The following ADAM8 variants were observed in gnomAD, a reference collection of about 807,000 sequenced individuals.
ADAM8 encodes the protein disintegrin and metalloproteinase domain-containing protein 8.
A neutral mutation model predicts 102.4 loss-of-function variants in ADAM8; 104 were observed. The ratio of observed to expected loss-of-function variants is 1.02; its 90% confidence interval spans 0.87 to 1.20. The LOEUF (loss-of-function observed/expected upper bound fraction) is 1.20. ADAM8 is among the 50% of genes most tolerant of loss of function. ADAM8 has a pLI of 0.00. For missense variants in ADAM8, 1,132 were observed against 1,159.0 expected (o/e 0.98, Z 0.34); for synonymous variants, 517 against 485.2 (o/e 1.07, Z -0.86).
chr10:133,263,446 G>C (rs1258277663), intron 22 of ADAM8, among the ~76,000 whole-genome samples: 1 of 152,178 alleles, frequency 6.6e-6, no homozygotes, highest in Non-Finnish European at 1.5e-5. Flanking sequence ...CAGTTGCTGG[G>C]GGAAGGTCAG....
intron 22 of ADAM8, 103 bp downstream of exon 22, chr10:133,263,585 G>GA (rs1846228747): frequency 1.1e-4 from 9 of 82,502 alleles, no homozygotes; most frequent in South Asian, 2.0e-4. Flanking sequence ...CAGATAATCA[G>GA]AAAAAAACCC....
chr10:133,270,083 G>A (rs1436212683), intron 16 of ADAM8, 109 bp from the exon 17 acceptor site: 2 of 1,327,714 alleles, frequency 1.5e-6, no homozygotes, highest in African/African-American at 1.4e-5. Flanking sequence ...CACGTCCAAG[G>A]TGGCTGTGCT....
chr10:133,275,612 A>G lies in ADAM8; in HGVS notation c.47-25T>C, dbSNP rs773427736. 1.9e-4 allele frequency: 257 copies of G among 1,339,856 alleles called. 1 individual carries two copies. The highest frequency in any genetic ancestry group is 1.0e-4 in the Admixed American group (3 of 30,068). The allele number at this position is 1,339,856 out of a possible 1,614,324, so 83.0% of individuals were successfully genotyped here. A position where few individuals can be genotyped will look rare whatever the true frequency, so the allele number is the denominator to read the frequency against. On this transcript the variant is annotated intron_variant, in intron 1 of 22. Transcript: ENST00000445355. Reference sequence around the variant, plus strand: ...GCTGCAGGAGGGAGGGTCAGCAGGCATGAGGGGCCGGGGGGCAGGTTTCCT... The same window carrying G: ...GCTGCAGGAGGGAGGGTCAGCAGGCGTGAGGGGCCGGGGGGCAGGTTTCCT...
chr10:133,275,475 T>C lies in ADAM8; in HGVS notation c.150+9A>G. ...GCCAGGGACCCTCCCCAGGCCAGCT[T>C]AGACTCACCAAGTGGGAGGGCAGAG... On this transcript the variant is annotated intron_variant, in intron 2 of 22. Transcript: ENST00000445355. The C allele has an allele frequency of 1.3e-6, 2 of 1,532,090 alleles. No homozygotes were observed. The highest frequency in any genetic ancestry group is 1.8e-6 in the Non-Finnish European group (2 of 1,139,126). The allele number at this position is 1,532,090 out of a possible 1,614,324, so 94.9% of individuals were successfully genotyped here. A position where few individuals can be genotyped will look rare whatever the true frequency, so the allele number is the denominator to read the frequency against.
intron 18 of ADAM8, 31 bp downstream of exon 18, chr10:133,269,413 CA>C: frequency 6.7e-7 from 1 of 1,489,342 alleles, no homozygotes; most frequent in Non-Finnish European, 8.9e-7. Context: ...GCTTGGACCC[CA>C]GCCCCACCTG....
chr10:133,263,670 T>C lies in ADAM8; in HGVS notation c.2397+18A>G. 1.5e-6 allele frequency: 1 copy of C among 673,434 alleles called. No individual in the cohort carries two copies. The highest frequency in any genetic ancestry group is 1.9e-6 in the Non-Finnish European group (1 of 540,448). 41.7% of individuals were successfully genotyped at this position (673,434 alleles called of 1,614,324 possible). A position where few individuals can be genotyped will look rare whatever the true frequency, so the allele number is the denominator to read the frequency against. On this transcript the variant is annotated intron_variant, in intron 22 of 22. Coordinates refer to ENST00000445355, the MANE Select transcript of ADAM8 (RefSeq NM_001109.5). ...CCATTGCACAGTGGACTCTGCCTGG[T>C]GTGTGCTGGGGCCTCACCTCAGCTG...
At chr10:133,263,607 G>T in intron 22 of ADAM8, 81 bp downstream of exon 22, 12 of 1,408,770 alleles carry the variant, frequency 8.5e-6, no homozygotes, top group Non-Finnish European at 1.0e-5. Context: ...ACCCTCCAGG[G>T]CAGTGCCACC....
rs1826712654 is a variant in ADAM8 at position 133,272,509 on chromosome 10, C to A, written c.782G>T (p.Ser261Ile). The A allele has an allele frequency of 1.2e-6, 2 of 1,612,146 alleles. No individual in the cohort carries two copies. Among genetic ancestry groups the A allele is most frequent in the Middle Eastern group, 1.6e-4 (1 of 6,070 alleles). ...IWNSQDRFHV[S>I]PDPSVTLENL... ...CTCCAGTGTGACACTGGGGTCGGGG[C>A]TGACGTGGAACCTGTCCTGACTATT... Residue 261 changes from serine to isoleucine, a missense_variant, in exon 9 of 23, where the codon AGC becomes ATC. Coordinates refer to ENST00000445355, the MANE Select transcript of ADAM8 (RefSeq NM_001109.5).
intron 2 of ADAM8, chr10:133,274,654 C>T (rs992776507): frequency 3.0e-5 from 9 of 298,058 alleles, no homozygotes; most frequent in African/African-American, 2.1e-4. Flanking sequence ...CGACAATGCC[C>T]CTTCCCCGAG....
At chr10:133,268,549 G>C (rs1846406267) in intron 19 of ADAM8, among the ~76,000 whole-genome samples, 199 bp downstream of exon 19, 1 of 152,134 alleles carries the variant, frequency 6.6e-6, no homozygotes, top group Non-Finnish European at 1.5e-5. Flanking sequence ...GGAAGGTGGA[G>C]TCCAGAGTGG....
chr10:133,267,318 CAGA>C, intron 21 of ADAM8, 31 bp downstream of exon 21: 1 of 1,588,514 alleles, frequency 6.3e-7, no homozygotes, highest in Non-Finnish European at 8.6e-7. Flanking sequence ...TGGACACCCT[CAGA>C]AGGCTTGGCC....
At position 133,268,757 on chromosome 10, in the gene ADAM8, A is replaced by G; in HGVS notation, c.2054T>C (p.Ile685Thr). 2 of 1,610,166 alleles carry G rather than the reference A, an allele frequency of 1.2e-6. No individual in the cohort carries two copies. Among genetic ancestry groups the G allele is most frequent in the South Asian group, 1.1e-5 (1 of 90,940 alleles). Residue 685 changes from isoleucine to threonine, a missense_variant, in exon 19 of 23, where the codon ATC (isoleucine) becomes ACC (threonine). Physicochemically the swap from Ile to Thr is moderately conservative, Grantham distance 89 (BLOSUM62 -1). Transcript: ENST00000445355. ...CCCCCACCACCCTCACCTGCTCAGGATGCGGCTCCGGGCTTTGCGGTAGAC... is the reference window on the plus strand; with the variant it reads ...CCCCCACCACCCTCACCTGCTCAGGGTGCGGCTCCGGGCTTTGCGGTAGAC... ...IIVYRKARSR[I>T]LSRNVAPKTT...
At chr10:133,276,709 G>T in intron 1 of ADAM8, 63 bp downstream of exon 1, 2 of 1,514,184 alleles carry the variant, frequency 1.3e-6, no homozygotes, top group South Asian at 1.2e-5. Flanking sequence ...TCCGCGTCGC[G>T]TCCTGCGGGG....
In ADAM8 at chr10:133,267,325, C is replaced by T. The variant is rs777358233; in HGVS notation, c.2319+27G>A. The stretch of plus-strand genomic sequence containing the variant: ...GGAAGGCCTGGACACCCTCAGAAGG[C>T]TTGGCCGCCCAATCACCACTGCTCA... On this transcript the variant is annotated intron_variant, in intron 21 of 22. Transcript: ENST00000445355. 4.4e-6 allele frequency: 7 copies of T among 1,596,206 alleles called. No individual in the cohort carries two copies. The Admixed American group carries it at 1.2e-4, about 28-fold the overall frequency.
At chr10:133,274,276 G>C in intron 2 of ADAM8, 41 bp from the exon 3 acceptor site, 3 of 1,497,254 alleles carry the variant, frequency 2.0e-6, no homozygotes, top group Non-Finnish European at 2.7e-6. Flanking sequence ...CAGCCTGCCC[G>C]GGCTGTGCCC....
chr10:133,263,192 C>G lies in ADAM8; in HGVS notation c.2439G>C (p.Gln813His). 1 of 1,613,590 alleles carries G rather than the reference C, an allele frequency of 6.2e-7. No individual in the cohort carries two copies. Among genetic ancestry groups the G allele is most frequent in the Non-Finnish European group, 8.5e-7 (1 of 1,179,646 alleles). ...GPKVALKPPI[Q>H]RKQGAGAPTA... ...TGGGAGCTCCGGCTCCTTGCTTCCT[C>G]TGGATGGGGGGCTTCAGGGCAACCT... The change falls in exon 23 of 23, where the codon CAG (glutamine) becomes CAC (histidine). Residue 813 changes from glutamine to histidine, a missense_variant. Gln to His is a conservative substitution (Grantham distance 24). Coordinates refer to ENST00000445355, the MANE Select transcript of ADAM8 (RefSeq NM_001109.5).
intron 18 of ADAM8, 55 bp downstream of exon 18, chr10:133,269,390 T>C (rs1846440593): frequency 7.0e-7 from 1 of 1,438,574 alleles, no homozygotes; most frequent in South Asian, 1.4e-5. Flanking sequence ...TGGGCTCTGT[T>C]CGGGCCCTCT....
chr10:133,275,446 G>A, intron 2 of ADAM8, 38 bp downstream of exon 2: 2 of 1,444,476 alleles, frequency 1.4e-6, no homozygotes, highest in Non-Finnish European at 1.9e-6. Context: ...AGGCTCAGGG[G>A]CCAGCCAGGG....
rs1250016977 is a variant in ADAM8 at position 133,274,172 on chromosome 10, G to A, written c.214C>T (p.Leu72=). 2 of 1,588,498 alleles carry A rather than the reference G, an allele frequency of 1.3e-6. No homozygotes were observed. The highest frequency in any genetic ancestry group is 1.7e-6 in the Non-Finnish European group (2 of 1,166,746). ...AGACCCACTCACCTGTTCTTCCGCA[G>A]GTGGAGGGTGAAGTTGTGCCCTGTG... ...GATGHNFTLH[L]RKNRDLLGSG... The change falls in exon 3 of 23, where the codon CTG becomes TTG. Residue 72 remains leucine (L), a synonymous_variant. Coordinates refer to ENST00000445355, the MANE Select transcript of ADAM8 (RefSeq NM_001109.5).
Sources: gnomAD v4.1 joint callset for allele counts (sites outside exome capture counted in the v4.1 genomes callset) on GRCh38, gnomAD v4.1.1 for gene constraint, MANE v1.5 for transcripts, NCBI Gene and HGNC (gene_info 2026-07-23, HGNC 2026-07-21) for gene names.